AFG1L: variants seen among roughly 807,000 people sequenced by gnomAD.
The protein encoded by AFG1L is AFG1-like ATPase.
In AFG1L, 53 loss-of-function variants were observed where a neutral mutation model predicts 62.2. That is an observed-to-expected ratio of 0.85 (90% CI 0.68 to 1.07). The LOEUF (loss-of-function observed/expected upper bound fraction) is 1.07, where lower values mean the gene tolerates loss of function less well. Ranked by LOEUF, AFG1L falls within the 50% of genes least tolerant of loss-of-function variation. The pLI, the probability that AFG1L is intolerant of heterozygous loss-of-function variation, is 0.00. For missense variants in AFG1L, 555 were observed against 590.5 expected (o/e 0.94, Z 0.62); for synonymous variants, 228 against 210.3 (o/e 1.08, Z -0.73).
chr6:108,388,245 C>A (rs532480465), intron 6 of AFG1L, among the ~76,000 whole-genome samples: 1 of 151,986 alleles, frequency 6.6e-6, no homozygotes, highest in Non-Finnish European at 1.5e-5. Flanking sequence ...TTTTTTATTG[C>A]GTCTATTTGA....
intron 10 of AFG1L, among the ~76,000 whole-genome samples, chr6:108,509,804 AG>A (rs1419639739): frequency 9.2e-5 from 14 of 152,276 alleles, no homozygotes; most frequent in African/African-American, 3.1e-4. Context: ...GGCAAAATAC[AG>A]TGTCTTTTTG....
chr6:108,417,959 G>A (rs1329116949), intron 7 of AFG1L, among the ~76,000 whole-genome samples: 5 of 151,944 alleles, frequency 3.3e-5, no homozygotes, highest in East Asian at 1.9e-4. Context: ...TCAGCCTCCC[G>A]GGTAGCTGGG....
chr6:108,388,272 T>G (rs1167418746), intron 6 of AFG1L, among the ~76,000 whole-genome samples: 1 of 152,190 alleles, frequency 6.6e-6, no homozygotes, highest in Non-Finnish European at 1.5e-5. Context: ...TCTCTTTTCT[T>G]CTTTATTAGT....
rs192757755 is a variant in AFG1L, at chr6:108,314,599, G to A, written c.140-9226G>A. Among the ~76,000 whole-genome samples, 364 of 151,996 alleles carry A rather than the reference G, an allele frequency of 2.4e-3. 2 individuals carry two copies. The highest frequency in any genetic ancestry group is 3.8e-3 in the Non-Finnish European group (258 of 67,962). The stretch of plus-strand genomic sequence containing the variant: ...GTTTTAGTAGAAACGGGGTTTCACC[G>A]TGTTGCCTAGGCTGGTCTCAGACTC... On this transcript the variant is annotated intron_variant, in intron 1 of 12. Coordinates refer to ENST00000368977, the MANE Select transcript of AFG1L (RefSeq NM_145315.5).
intron 7 of AFG1L, among the ~76,000 whole-genome samples, chr6:108,442,832 T>C (rs1033909052): frequency 2.6e-5 from 4 of 152,136 alleles, no homozygotes; most frequent in African/African-American, 7.2e-5. Context: ...CCCTTAGTCT[T>C]GGGGAAACCC....
chr6:108,297,088 C>T (rs1776791145), intron 1 of AFG1L, among the ~76,000 whole-genome samples: 1 of 152,080 alleles, frequency 6.6e-6, no homozygotes, highest in Admixed American at 6.5e-5. Flanking sequence ...CTCCCTTCCC[C>T]TCTTTATTTT....
chr6:108,511,833 C>T (rs185829042), intron 11 of AFG1L, among the ~76,000 whole-genome samples: 19 of 152,232 alleles, frequency 1.2e-4, no homozygotes, highest in South Asian at 6.2e-4. Context: ...TCATGCCAAG[C>T]GCTAGAAATT....
Position 108,461,987 on chromosome 6 carries a change from C to T in AFG1L, c.890+14691C>T, listed in dbSNP as rs891481992. On this transcript the variant is annotated intron_variant, in intron 8 of 12. Transcript: ENST00000368977. ...GCAGGAGCCTGTAGTCCCAGCTACT[C>T]GGGAGGGTGAGGCAGGAGAATGGCG... Among the ~76,000 whole-genome samples, 7 of 151,784 alleles carry T rather than the reference C, an allele frequency of 4.6e-5. No individual in the cohort carries two copies. In the East Asian group the frequency reaches 5.8e-4, roughly 13 times the overall value.
intron 1 of AFG1L, among the ~76,000 whole-genome samples, chr6:108,313,806 C>T (rs1715749037): frequency 6.6e-6 from 1 of 152,184 alleles, no homozygotes; most frequent in Admixed American, 6.5e-5. Flanking sequence ...TCCCAAATTG[C>T]TATGATTACA....
At chr6:108,492,670 T>G (rs1169135370) in intron 10 of AFG1L, among the ~76,000 whole-genome samples, 3 of 152,196 alleles carry the variant, frequency 2.0e-5, no homozygotes, top group Non-Finnish European at 4.4e-5. Flanking sequence ...AACATTATTT[T>G]AACAAAGGAG....
At chr6:108,314,854 T>C (rs759805614) in intron 1 of AFG1L, among the ~76,000 whole-genome samples, 2 of 152,160 alleles carry the variant, frequency 1.3e-5, no homozygotes, top group Non-Finnish European at 2.9e-5. Flanking sequence ...TGTACTTTTT[T>C]TTTTTGAGAC....
chr6:108,502,933 G>T (rs1392671905), intron 10 of AFG1L, among the ~76,000 whole-genome samples: 3 of 152,102 alleles, frequency 2.0e-5, no homozygotes, highest in African/African-American at 7.2e-5. Context: ...ATCTTCACCA[G>T]GAGTAGATTC....
chr6:108,444,102 A>ATCTG lies in AFG1L; in HGVS notation c.808-3111_808-3110insCTGT, dbSNP rs1171160526. ...TATCTATCTATCTATCTATCTATCT[A>ATCTG]TATCTGCACAGGCATACCTTAGAGA... On this transcript the variant is annotated intron_variant, in intron 7 of 12. Transcript: ENST00000368977. Among the ~76,000 whole-genome samples, 3 of 148,606 alleles carry ATCTG rather than the reference A, an allele frequency of 2.0e-5. No individual in the cohort carries two copies. The South Asian group carries it at 6.4e-4, about 32-fold the overall frequency.
At chr6:108,452,510 G>A (rs1184526424) in intron 8 of AFG1L, among the ~76,000 whole-genome samples, 1 of 152,046 alleles carries the variant, frequency 6.6e-6, no homozygotes, top group East Asian at 1.9e-4. Context: ...TACAAACACT[G>A]TGCCCTCCAC....
chr6:108,319,204 ATT>A (rs1777719857), intron 1 of AFG1L, among the ~76,000 whole-genome samples: 1 of 152,198 alleles, frequency 6.6e-6, no homozygotes, highest in Non-Finnish European at 1.5e-5. Flanking sequence ...CAATACTGAT[ATT>A]TCCTATGAAT....
chr6:108,482,623 C>G (rs912337589), intron 10 of AFG1L, among the ~76,000 whole-genome samples: 1 of 152,136 alleles, frequency 6.6e-6, no homozygotes. Flanking sequence ...CCTTAGGCTT[C>G]TCTTGGCTAT....
At chr6:108,349,469 G>A (rs999547637) in intron 3 of AFG1L, among the ~76,000 whole-genome samples, 1 of 152,004 alleles carries the variant, frequency 6.6e-6, no homozygotes, top group Non-Finnish European at 1.5e-5. Context: ...GGGCAACAGA[G>A]TGAGACCCCC....
chr6:108,493,086 G>T (rs531698231), intron 10 of AFG1L, among the ~76,000 whole-genome samples: 1 of 152,228 alleles, frequency 6.6e-6, no homozygotes, highest in Admixed American at 6.5e-5. Context: ...CAGCTCACTT[G>T]TGCTGTTCCT....
intron 7 of AFG1L, among the ~76,000 whole-genome samples, chr6:108,431,663 C>A (rs1228320923): frequency 3.4e-5 from 5 of 146,564 alleles, no homozygotes; most frequent in Non-Finnish European, 7.4e-5. Context: ...TGCAATAGCA[C>A]GATCTCAGCT....
Sources: allele counts gnomAD v4.1 joint callset (sites outside exome capture counted in the v4.1 genomes callset), GRCh38; gene constraint gnomAD v4.1.1; transcripts MANE v1.5; gene names NCBI Gene and HGNC (gene_info 2026-07-23, HGNC 2026-07-21).